The following RAB11FIP4 variants were observed in gnomAD, a reference collection of about 807,000 sequenced individuals.
The protein encoded by RAB11FIP4 is rab11 family-interacting protein 4.
A neutral mutation model predicts 74.3 loss-of-function variants in RAB11FIP4; 23 were observed. The ratio of observed to expected loss-of-function variants is 0.31; its 90% confidence interval spans 0.22 to 0.44. The LOEUF is 0.44. RAB11FIP4 is among the 20% of genes least tolerant of loss of function. The probability of loss-of-function intolerance (pLI) is 1.00; values close to 1 mark genes in which losing one functional copy is unlikely to be tolerated. For synonymous variants in RAB11FIP4, 360 were observed against 359.9 expected (o/e 1.00, Z 0.00); for missense variants, 630 against 863.9 (o/e 0.73, Z 3.39).
chr17:31,423,364 G>C (rs1284420603), intron 1 of RAB11FIP4, among the ~76,000 whole-genome samples: 1 of 151,918 alleles, frequency 6.6e-6, no homozygotes, highest in African/African-American at 2.4e-5. Flanking sequence ...TTTTTTCTTT[G>C]TTTGTTTATT....
intron 3 of RAB11FIP4, among the ~76,000 whole-genome samples, chr17:31,470,732 C>T (rs1020789767): frequency 6.6e-5 from 10 of 152,176 alleles, no homozygotes; most frequent in South Asian, 2.1e-4. Flanking sequence ...GTGGTAGGTA[C>T]GTTTATCCCT....
At chr17:31,487,269 T>A (rs2071914182) in intron 3 of RAB11FIP4, among the ~76,000 whole-genome samples, 1 of 152,140 alleles carries the variant, frequency 6.6e-6, no homozygotes, top group South Asian at 2.1e-4. Context: ...GATGGGGGGA[T>A]GGGGAGTACA....
rs536290104 is a variant in RAB11FIP4, at chr17:31,394,974, TCTGA to T, written c.159+2967_159+2970del. On this transcript the variant is annotated intron_variant, in intron 1 of 14. Transcript: ENST00000621161. ...GGCTCCCTTACGAAATGCAGTGTACTCTGACTGTTTCTATTTTATTTGTTTTAAA... is the reference window on the plus strand; with the variant it reads ...GGCTCCCTTACGAAATGCAGTGTACTCTGTTTCTATTTTATTTGTTTTAAA... Among the ~76,000 whole-genome samples, 150 of 150,270 alleles carry T rather than the reference TCTGA, an allele frequency of 1.0e-3. 2 individuals are homozygous for T. In the East Asian group the frequency reaches 0.024, roughly 25 times the overall value.
chr17:31,520,389 T>G (rs1398906525), intron 4 of RAB11FIP4, among the ~76,000 whole-genome samples: 2 of 152,238 alleles, frequency 1.3e-5, no homozygotes, highest in East Asian at 3.8e-4. Flanking sequence ...ATTTTCTGTA[T>G]TACTCCGAAT....
chr17:31,498,807 G>A (rs986588795), intron 3 of RAB11FIP4, among the ~76,000 whole-genome samples: 1 of 152,206 alleles, frequency 6.6e-6, no homozygotes, highest in Non-Finnish European at 1.5e-5. Context: ...TCTACGAGAA[G>A]AAAGAGCTGG....
intron 1 of RAB11FIP4, among the ~76,000 whole-genome samples, chr17:31,412,519 G>A (rs976164904): frequency 1.3e-5 from 2 of 152,222 alleles, no homozygotes; most frequent in African/African-American, 4.8e-5. Flanking sequence ...GTGATCTTGG[G>A]TGAAGGACTC....
rs914020483 is a variant in RAB11FIP4 at position 31,532,608 on chromosome 17, C to G, written c.*876C>G. ...TTTTGGGGAGGAACACAACTCCCAT[C>G]CCAGTCAGTTTCCTTCCCATGGCTG... is the stretch of plus-strand genomic sequence containing the variant. On this transcript the variant is annotated 3_prime_UTR_variant, in exon 15 of 15. Transcript: ENST00000621161. 2 of 152,350 alleles carry G rather than the reference C, an allele frequency of 1.3e-5. No homozygotes were observed. The highest frequency in any genetic ancestry group is 2.9e-5 in the Non-Finnish European group (2 of 68,010). 9.4% of individuals were successfully genotyped at this position (152,350 alleles called of 1,614,324 possible). A position where few individuals can be genotyped will look rare whatever the true frequency, so the allele number is the denominator to read the frequency against.
In RAB11FIP4 at chr17:31,534,957, C is replaced by G. The variant is rs1441288942; in HGVS notation, c.*3225C>G. The G allele has an allele frequency of 6.5e-6, 1 of 154,316 alleles. No homozygotes were observed. The highest frequency in any genetic ancestry group is 1.5e-5 in the Non-Finnish European group (1 of 68,206). The allele number at this position is 154,316 out of a possible 1,614,324, so 9.6% of individuals were successfully genotyped here. A position where few individuals can be genotyped will look rare whatever the true frequency, so the allele number is the denominator to read the frequency against. ...GAAAATGAAGTACCTTCTGGTTCAGCTAGTCCCTGTGCGTTGAGAGGCTTT... is the reference window on the plus strand; with the variant it reads ...GAAAATGAAGTACCTTCTGGTTCAGGTAGTCCCTGTGCGTTGAGAGGCTTT... On this transcript the variant is annotated 3_prime_UTR_variant, in exon 15 of 15. Transcript: ENST00000621161.
intron 3 of RAB11FIP4, among the ~76,000 whole-genome samples, chr17:31,510,452 T>A (rs537819133): frequency 6.6e-6 from 1 of 152,346 alleles, no homozygotes; most frequent in South Asian, 2.1e-4. Context: ...CCGCCCAAGC[T>A]ATTTTTACCC....
chr17:31,518,451 C>G (rs2072601486), intron 4 of RAB11FIP4: 1 of 152,402 alleles, frequency 6.6e-6, no homozygotes, highest in Non-Finnish European at 1.5e-5. Context: ...GTGGCATGTG[C>G]CTGTAGTCCC....
intron 3 of RAB11FIP4, among the ~76,000 whole-genome samples, chr17:31,441,316 G>A (rs534635935): frequency 1.3e-3 from 198 of 151,662 alleles, no homozygotes; most frequent in African/African-American, 4.6e-3. Flanking sequence ...GTGAGCCACC[G>A]CATCTGGCCG....
intron 4 of RAB11FIP4, among the ~76,000 whole-genome samples, chr17:31,520,570 C>T (rs1002655780): frequency 2.0e-5 from 3 of 152,058 alleles, no homozygotes; most frequent in African/African-American, 4.8e-5. Flanking sequence ...TGCAGTGGCA[C>T]AATCTCGGCT....
intron 3 of RAB11FIP4, among the ~76,000 whole-genome samples, chr17:31,472,903 G>A (rs1178322155): frequency 6.6e-6 from 1 of 151,858 alleles, no homozygotes; most frequent in African/African-American, 2.4e-5. Context: ...CGTGGTGGCA[G>A]GCACCTGTAG....
chr17:31,472,402 T>A (rs1466358732), intron 3 of RAB11FIP4, among the ~76,000 whole-genome samples: 2 of 151,962 alleles, frequency 1.3e-5, no homozygotes, highest in African/African-American at 4.8e-5. Flanking sequence ...ACGCGCTGAG[T>A]CATGGCTCTC....
intron 1 of RAB11FIP4, 150 bp downstream of exon 1, chr17:31,392,161 C>A: frequency 1.7e-6 from 1 of 599,806 alleles, no homozygotes; most frequent in Admixed American, 4.6e-5. Flanking sequence ...GACCTCGGCC[C>A]CCCCCGGGTA....
chr17:31,459,646 GCTTTTGCC>G (rs1405034377), intron 3 of RAB11FIP4, among the ~76,000 whole-genome samples: 9 of 152,124 alleles, frequency 5.9e-5, no homozygotes, highest in Non-Finnish European at 1.2e-4. Flanking sequence ...CTACTCCTGG[GCTTTTGCC>G]CATGCTGTTC....
At chr17:31,402,884 C>T (rs1433217882) in intron 1 of RAB11FIP4, among the ~76,000 whole-genome samples, 1 of 152,036 alleles carries the variant, frequency 6.6e-6, no homozygotes, top group Non-Finnish European at 1.5e-5. Flanking sequence ...CTTGGCCTCC[C>T]AAAGTGCTGG....
intron 3 of RAB11FIP4, among the ~76,000 whole-genome samples, chr17:31,459,123 T>C (rs1034070490): frequency 1.3e-5 from 2 of 152,168 alleles, no homozygotes; most frequent in Admixed American, 1.3e-4. Flanking sequence ...GCCTCTAGTC[T>C]GTTCCCTCTA....
chr17:31,401,525 C>T (rs2070985546), intron 1 of RAB11FIP4, among the ~76,000 whole-genome samples: 1 of 152,236 alleles, frequency 6.6e-6, no homozygotes, highest in South Asian at 2.1e-4. Context: ...AGCCCAGATT[C>T]CAGCTGTAAG....
Sources: allele counts gnomAD v4.1 joint callset (sites outside exome capture counted in the v4.1 genomes callset), GRCh38; gene constraint gnomAD v4.1.1; transcripts MANE v1.5; gene names NCBI Gene and HGNC (gene_info 2026-07-23, HGNC 2026-07-21).